Variants in CERS6 observed in about 807,000 individuals in gnomAD.
CERS6 encodes ceramide synthase 6.
Under a neutral mutation model 56.8 loss-of-function variants are expected in CERS6, and 26 were observed. The observed-to-expected ratio is 0.46, with a 90% confidence interval of 0.34 to 0.63. The LOEUF is 0.63. Among genes scored for constraint, CERS6 ranks in the 30% least tolerant of loss-of-function variants. The pLI is 0.01. For missense variants in CERS6, 415 were observed against 467.5 expected (o/e 0.89, Z 1.04); for synonymous variants, 164 against 173.3 (o/e 0.95, Z 0.42).
chr2:168,611,040 C>T (rs1684177329), intron 3 of CERS6, among the ~76,000 whole-genome samples: 1 of 152,134 alleles, frequency 6.6e-6, no homozygotes, highest in African/African-American at 2.4e-5. Flanking sequence ...AACTCCTGAC[C>T]TCAGGTGATA....
intron 6 of CERS6, among the ~76,000 whole-genome samples, chr2:168,708,129 T>C (rs1687004159): frequency 6.6e-6 from 1 of 152,122 alleles, no homozygotes; most frequent in African/African-American, 2.4e-5. Context: ...GAGAAGCTAT[T>C]ATATTTTTAT....
At chr2:168,746,214 C>T (rs1430320324) in intron 8 of CERS6, among the ~76,000 whole-genome samples, 1 of 152,176 alleles carries the variant, frequency 6.6e-6, no homozygotes, top group African/African-American at 2.4e-5. Flanking sequence ...TGTAGAAACA[C>T]AAAGAAGTAG....
At chr2:168,475,511 G>A (rs533735435) in intron 1 of CERS6, among the ~76,000 whole-genome samples, 13 of 147,864 alleles carry the variant, frequency 8.8e-5, no homozygotes, top group African/African-American at 1.2e-4. Context: ...AACTTACTGC[G>A]TATGGATTTG....
At chr2:168,495,764 T>A (rs1188091075) in intron 1 of CERS6, among the ~76,000 whole-genome samples, 1 of 152,234 alleles carries the variant, frequency 6.6e-6, no homozygotes, top group Non-Finnish European at 1.5e-5. Flanking sequence ...TCACATATAG[T>A]GTCATATCTG....
intron 4 of CERS6, among the ~76,000 whole-genome samples, chr2:168,664,418 G>A (rs1685706303): frequency 6.6e-6 from 1 of 152,168 alleles, no homozygotes; most frequent in Non-Finnish European, 1.5e-5. Context: ...CCCCAAGAGA[G>A]TGTTCTTGGA....
intron 4 of CERS6, among the ~76,000 whole-genome samples, chr2:168,631,947 G>A (rs887926329): frequency 1.4e-5 from 2 of 146,578 alleles, no homozygotes; most frequent in African/African-American, 5.1e-5. Flanking sequence ...TACTAACAGG[G>A]CAGCACTAAC....
chr2:168,530,473 C>T (rs960323934), intron 1 of CERS6, among the ~76,000 whole-genome samples: 5 of 152,134 alleles, frequency 3.3e-5, no homozygotes, highest in Admixed American at 6.5e-5. Context: ...AGGGTATTTT[C>T]GTATATAAAT....
At chr2:168,556,991 C>CAAAAAAAAAA in intron 2 of CERS6, among the ~76,000 whole-genome samples, 1 of 82,320 alleles carries the variant, frequency 1.2e-5, no homozygotes, top group Non-Finnish European at 2.3e-5. Context: ...CTTGTCTCTA[C>CAAAAAAAAAA]AAAAAAAAAA....
intron 8 of CERS6, among the ~76,000 whole-genome samples, chr2:168,762,338 C>T (rs1228219843): frequency 1.3e-5 from 2 of 152,148 alleles, no homozygotes; most frequent in Non-Finnish European, 2.9e-5. Context: ...CTCTGACTCC[C>T]TGCCATGCTC....
chr2:168,696,622 G>A (rs1006173752), intron 6 of CERS6, among the ~76,000 whole-genome samples: 2 of 152,128 alleles, frequency 1.3e-5, no homozygotes, highest in African/African-American at 4.8e-5. Flanking sequence ...CCAGATCAAG[G>A]CACCAGCAGA....
intron 1 of CERS6, among the ~76,000 whole-genome samples, chr2:168,521,404 T>C (rs1161557362): frequency 6.6e-6 from 1 of 152,124 alleles, no homozygotes; most frequent in East Asian, 1.9e-4. Flanking sequence ...GCTTGATAGA[T>C]TTGTCATGAG....
chr2:168,716,522 A>C (rs1161999531), intron 7 of CERS6, among the ~76,000 whole-genome samples: 2 of 152,162 alleles, frequency 1.3e-5, no homozygotes, highest in Non-Finnish European at 2.9e-5. Context: ...AATGTTCTTC[A>C]TCACCTAGAT....
intron 8 of CERS6, 27 bp from the exon 9 acceptor site, chr2:168,765,565 C>G: frequency 6.2e-7 from 1 of 1,605,902 alleles, no homozygotes; most frequent in Non-Finnish European, 8.5e-7. Flanking sequence ...ATGCCACATT[C>G]ACTAATCACC....
chr2:168,490,680 C>G (rs918987910), intron 1 of CERS6, among the ~76,000 whole-genome samples: 1 of 152,132 alleles, frequency 6.6e-6, no homozygotes, highest in Non-Finnish European at 1.5e-5. Context: ...GTCCCAGGCA[C>G]TCAGCTCTTT....
chr2:168,702,532 A>G (rs1422805215), intron 6 of CERS6, among the ~76,000 whole-genome samples: 1 of 152,220 alleles, frequency 6.6e-6, no homozygotes, highest in African/African-American at 2.4e-5. Flanking sequence ...ACAGCCTGTC[A>G]ATCCTTTACA....
intron 4 of CERS6, among the ~76,000 whole-genome samples, chr2:168,647,995 G>A (rs1259210823): frequency 6.6e-6 from 1 of 152,090 alleles, no homozygotes; most frequent in Non-Finnish European, 1.5e-5. Flanking sequence ...GTCTCTGCCA[G>A]GTTTTGGTAT....
chr2:168,763,425 A>AT (rs995829331), intron 8 of CERS6, among the ~76,000 whole-genome samples: 65 of 149,574 alleles, frequency 4.3e-4, no homozygotes, highest in Admixed American at 6.0e-4. Flanking sequence ...TTTATTTTTT[A>AT]TTTTTTTTGT....
intron 8 of CERS6, among the ~76,000 whole-genome samples, chr2:168,753,834 T>C (rs909532796): frequency 1.3e-5 from 2 of 152,158 alleles, no homozygotes; most frequent in African/African-American, 4.8e-5. Flanking sequence ...CCATGCCAAA[T>C]CACATCCTCA....
chr2:168,771,631 T>C lies in CERS6; in HGVS notation c.*1969T>C, dbSNP rs1473174754. ...ATTACAGCTGAAAATTTTGAGAAGG[T>C]AAAAGTTTCTTAATTAAAATATGAA... On this transcript the variant is annotated 3_prime_UTR_variant, in exon 10 of 10. Transcript: ENST00000305747. 1 of 152,144 alleles carries C rather than the reference T, an allele frequency of 6.6e-6. No individual in the cohort carries two copies. The highest frequency in any genetic ancestry group is 1.5e-5 in the Non-Finnish European group (1 of 68,036). The allele number at this position is 152,144 out of a possible 1,614,324, so 9.4% of individuals were successfully genotyped here.
Sources: gnomAD v4.1 joint callset for allele counts (sites outside exome capture counted in the v4.1 genomes callset) on GRCh38, gnomAD v4.1.1 for gene constraint, MANE v1.5 for transcripts, NCBI Gene and HGNC (gene_info 2026-07-23, HGNC 2026-07-21) for gene names.